Variants in AP3S2 observed in about 807,000 individuals in gnomAD.
The protein encoded by AP3S2 is AP-3 complex subunit sigma-2.
In AP3S2, 22 loss-of-function variants were observed where a neutral mutation model predicts 23.4. The observed-to-expected ratio is 0.94, with a 90% CI of 0.67 to 1.34. AP3S2 has a LOEUF of 1.34. Ranked by LOEUF, AP3S2 falls within the 40% of genes most tolerant of loss-of-function variation. The pLI, the probability that AP3S2 is intolerant of heterozygous loss-of-function variation, is 0.00. For missense variants in AP3S2, 241 were observed against 236.9 expected (o/e 1.02, Z -0.11); for synonymous variants, 86 against 87.1 (o/e 0.99, Z 0.07).
chr15:89,871,672 TA>T, intron 3 of AP3S2, 126 bp from the exon 4 acceptor site: 1 of 924,344 alleles, frequency 1.1e-6, no homozygotes. Flanking sequence ...TCTCAAAAAT[TA>T]AAACACCTAC....
chr15:89,874,536 C>A (rs1896397232), intron 3 of AP3S2, among the ~76,000 whole-genome samples: 1 of 152,140 alleles, frequency 6.6e-6, no homozygotes, highest in Non-Finnish European at 1.5e-5. Flanking sequence ...ACACTTTGGG[C>A]AGCCAAGACA....
In AP3S2 at chr15:89,837,760, G is replaced by C. The variant is rs753505908; in HGVS notation, c.346-38C>G. 6 of 1,612,116 alleles carry C rather than the reference G, an allele frequency of 3.7e-6. No homozygotes were observed. In the South Asian group the frequency reaches 4.4e-5, roughly 12 times the overall value. ...CAAAAATCAGGAGTCAGAATACTCT[G>C]TGGTGGTCAGAGTGTAACCCACGAG... On this transcript the variant is annotated intron_variant, in intron 4 of 5. Transcript: ENST00000336418.
At chr15:89,871,430 T>G in intron 4 of AP3S2, 45 bp downstream of exon 4, 1 of 1,575,414 alleles carries the variant, frequency 6.3e-7, no homozygotes, top group Non-Finnish European at 8.6e-7. Context: ...AGGCTCTTGG[T>G]TTTCTAGTAA....
intron 4 of AP3S2, among the ~76,000 whole-genome samples, chr15:89,858,461 AAGAAAG>A (rs1445207700): frequency 1.4e-5 from 1 of 72,132 alleles, no homozygotes; most frequent in Non-Finnish European, 3.5e-5. Flanking sequence ...AAGAAAAAGA[AAGAAAG>A]AAAGAAAGAA....
intron 4 of AP3S2, among the ~76,000 whole-genome samples, chr15:89,849,960 G>A (rs1895604501): frequency 6.6e-6 from 1 of 152,112 alleles, no homozygotes; most frequent in South Asian, 2.1e-4. Flanking sequence ...AGTTTGCTGA[G>A]AATGGTGGTT....
At chr15:89,839,585 C>T (rs948564238) in intron 4 of AP3S2, among the ~76,000 whole-genome samples, 9 of 152,136 alleles carry the variant, frequency 5.9e-5, no homozygotes, top group Non-Finnish European at 1.3e-4. Context: ...AGAAATAGGC[C>T]TCTGAAAACA....
intron 1 of AP3S2, among the ~76,000 whole-genome samples, chr15:89,890,114 G>GATCACA (rs1226789294): frequency 1.3e-5 from 2 of 151,806 alleles, no homozygotes; most frequent in African/African-American, 4.8e-5. Context: ...GCAGTGGTGT[G>GATCACA]ATCACAGCTC....
chr15:89,851,270 G>A (rs1462882212), intron 4 of AP3S2, among the ~76,000 whole-genome samples: 3 of 152,056 alleles, frequency 2.0e-5, no homozygotes, highest in African/African-American at 7.2e-5. Flanking sequence ...GGAGGAAAAG[G>A]CATCCAGGCA....
intron 1 of AP3S2, among the ~76,000 whole-genome samples, chr15:89,892,533 G>A (rs1896842866): frequency 6.6e-6 from 1 of 152,034 alleles, no homozygotes; most frequent in Admixed American, 6.6e-5. Context: ...AAATAAATAA[G>A]TAAACAGTAT....
chr15:89,862,710 A>G (rs1218640320), intron 4 of AP3S2, among the ~76,000 whole-genome samples: 1 of 152,188 alleles, frequency 6.6e-6, no homozygotes, highest in African/African-American at 2.4e-5. Flanking sequence ...GCAGGGAGAA[A>G]TGGTTTTCAG....
chr15:89,871,429 G>T (rs1226756293), intron 4 of AP3S2, 46 bp downstream of exon 4: 2 of 1,576,992 alleles, frequency 1.3e-6, no homozygotes, highest in Non-Finnish European at 1.7e-6. Context: ...AAGGCTCTTG[G>T]TTTTCTAGTA....
chr15:89,871,545 AC>A lies in AP3S2; in HGVS notation c.274del (p.Val92PhefsTer18). 2 of 1,613,118 alleles carry A rather than the reference AC, an allele frequency of 1.2e-6. No individual in the cohort carries two copies. The highest frequency in any genetic ancestry group is 1.7e-6 in the Non-Finnish European group (2 of 1,179,744). On this transcript the variant is annotated frameshift_variant and splice_region_variant, in exon 4 of 6. Coordinates refer to ENST00000336418, the MANE Select transcript of AP3S2 (RefSeq NM_005829.5). LOFTEE classifies it high-confidence loss of function. ...ACACTTATCCAGAGTTTCCACAAAA[AC>A]CTAGAAAACAAGGAGAAATAGATAA... is the stretch of plus-strand genomic sequence containing the variant. ...SELGILDLIQ[V>X]FVETLDKCFE...
intron 4 of AP3S2, among the ~76,000 whole-genome samples, chr15:89,840,162 T>C (rs556995055): frequency 6.6e-6 from 1 of 152,324 alleles, no homozygotes; most frequent in African/African-American, 2.4e-5. Flanking sequence ...AATGTGGATA[T>C]ACTTAATGCC....
chr15:89,863,278 G>A (rs1347675588), intron 4 of AP3S2, among the ~76,000 whole-genome samples: 3 of 152,168 alleles, frequency 2.0e-5, no homozygotes, highest in South Asian at 2.1e-4. Context: ...AAGACTGGGC[G>A]TAAATCACCC....
chr15:89,858,523 GAGAAAGAAAGAAAGAA>G (rs58144640), intron 4 of AP3S2, among the ~76,000 whole-genome samples: 74 of 53,678 alleles, frequency 1.4e-3, no homozygotes, highest in African/African-American at 4.8e-3. Flanking sequence ...GAGAGAGAGA[GAGAAAGAAAGAAAGAA>G]AGAAAGAAAG....
rs1895541294 is a variant in AP3S2, at chr15:89,848,102, C to T, written c.346-10380G>A. The stretch of plus-strand genomic sequence containing the variant: ...AGAAACCTCTAATCTAGATCAATCC[C>T]TCTCCAGGTCCCTTGCACTGTAGGG... On this transcript the variant is annotated intron_variant, in intron 4 of 5. Coordinates refer to ENST00000336418, the MANE Select transcript of AP3S2 (RefSeq NM_005829.5). 5.3e-5 allele frequency among the ~76,000 whole-genome samples: 8 copies of T among 152,226 alleles called. No homozygotes were observed. In the South Asian group the frequency reaches 1.7e-3, roughly 32 times the overall value.
chr15:89,892,047 A>G (rs1221321630), intron 1 of AP3S2, among the ~76,000 whole-genome samples: 2 of 152,252 alleles, frequency 1.3e-5, no homozygotes, highest in East Asian at 1.9e-4. Flanking sequence ...TCAGCAATAA[A>G]AGAAATGAAG....
chr15:89,839,126 C>T (rs549408601), intron 4 of AP3S2, among the ~76,000 whole-genome samples: 1 of 152,294 alleles, frequency 6.6e-6, no homozygotes, highest in Admixed American at 6.5e-5. Context: ...GGCAAATTCA[C>T]CCCAGCTGAG....
At chr15:89,881,406 A>C (rs1896566943) in intron 3 of AP3S2, among the ~76,000 whole-genome samples, 1 of 152,094 alleles carries the variant, frequency 6.6e-6, no homozygotes, top group African/African-American at 2.4e-5. Context: ...TTTAAAATAA[A>C]CTCAAAATAC....
Sources: allele counts gnomAD v4.1 joint callset (sites outside exome capture counted in the v4.1 genomes callset), GRCh38; gene constraint gnomAD v4.1.1; transcripts MANE v1.5; gene names NCBI Gene and HGNC (gene_info 2026-07-23, HGNC 2026-07-21).